CLSTN2: variants seen among roughly 807,000 people sequenced by gnomAD.
CLSTN2 encodes the protein calsyntenin 2.
Under a neutral mutation model 101.2 loss-of-function variants are expected in CLSTN2, and 48 were observed. That is an observed-to-expected ratio of 0.47 (90% CI 0.38 to 0.60). The LOEUF is 0.60. Ranked by LOEUF, CLSTN2 falls within the 20% of genes least tolerant of loss-of-function variation. CLSTN2 has a pLI of 0.00. For missense variants in CLSTN2, 1,160 were observed against 1,238.2 expected, an observed-to-expected ratio of 0.94 and a Z score of 0.95; for synonymous variants, 481 against 463.6, an observed-to-expected ratio of 1.04 and a Z score of -0.48.
chr3:140,243,686 C>T (rs923769715), intron 2 of CLSTN2, among the ~76,000 whole-genome samples: 1 of 152,234 alleles, frequency 6.6e-6, no homozygotes, highest in Non-Finnish European at 1.5e-5. Context: ...GGAGAGCTTA[C>T]AGTCTTGCTT....
At chr3:140,173,921 T>A (rs888115231) in intron 1 of CLSTN2, among the ~76,000 whole-genome samples, 3 of 152,198 alleles carry the variant, frequency 2.0e-5, no homozygotes, top group African/African-American at 7.2e-5. Context: ...GGGGCTGCCA[T>A]GAAGACCTCT....
chr3:140,509,277 T>C (rs1038031092), intron 8 of CLSTN2, among the ~76,000 whole-genome samples: 1 of 152,176 alleles, frequency 6.6e-6, no homozygotes, highest in African/African-American at 2.4e-5. Context: ...CCTTAGCATA[T>C]TATAGTCTCT....
chr3:140,376,366 T>A (rs2087916935), intron 2 of CLSTN2, among the ~76,000 whole-genome samples: 1 of 152,220 alleles, frequency 6.6e-6, no homozygotes, highest in African/African-American at 2.4e-5. Context: ...GGTAGGCTCC[T>A]AACCAAGGGT....
intron 2 of CLSTN2, among the ~76,000 whole-genome samples, chr3:140,278,381 T>C (rs1044392560): frequency 6.6e-6 from 1 of 152,116 alleles, no homozygotes; most frequent in Non-Finnish European, 1.5e-5. Context: ...TCCCCACTAC[T>C]CTTTACAGCT....
intron 2 of CLSTN2, among the ~76,000 whole-genome samples, chr3:140,181,263 G>C (rs1031148136): frequency 1.3e-5 from 2 of 152,134 alleles, no homozygotes; most frequent in African/African-American, 4.8e-5. Flanking sequence ...AAAGTGCCTA[G>C]AGCTCTCTCT....
intron 4 of CLSTN2, among the ~76,000 whole-genome samples, chr3:140,409,994 G>C (rs1400849785): frequency 6.6e-6 from 1 of 151,854 alleles, no homozygotes; most frequent in African/African-American, 2.4e-5. Flanking sequence ...AAGTTGTCCA[G>C]TAAGAGGAGA....
chr3:140,561,589 C>T (rs1181559315), intron 12 of CLSTN2, among the ~76,000 whole-genome samples: 3 of 152,124 alleles, frequency 2.0e-5, no homozygotes, highest in Admixed American at 6.6e-5. Context: ...TTATTAATAA[C>T]AATTCCATGC....
At position 140,137,213 on chromosome 3, in the gene CLSTN2, C is replaced by A. The variant is rs1036907848; in HGVS notation, c.110-38738C>A. Among the ~76,000 whole-genome samples, 3 of 152,048 alleles carry A rather than the reference C, an allele frequency of 2.0e-5. No individual in the cohort carries two copies. In the East Asian group the frequency reaches 5.8e-4, roughly 29 times the overall value. Reference sequence around the variant, plus strand: ...CCCCAGCCCCAGAAGGGCTCAGGATCCCAATGATACAAAATCGCTGAAGCT... The same window carrying A: ...CCCCAGCCCCAGAAGGGCTCAGGATACCAATGATACAAAATCGCTGAAGCT... On this transcript the variant is annotated intron_variant, in intron 1 of 16. Coordinates refer to ENST00000458420, the MANE Select transcript of CLSTN2 (RefSeq NM_022131.3).
At position 140,127,857 on chromosome 3, in the gene CLSTN2, T is replaced by C. The variant is rs551681727; in HGVS notation, c.110-48094T>C. ...CTGTTATTATTTTTCTCCTATGTTA[T>C]TTATGAGCCTCTAGAATTCTTGTGT... On this transcript the variant is annotated intron_variant, in intron 1 of 16. Transcript: ENST00000458420. 1.8e-4 allele frequency among the ~76,000 whole-genome samples: 28 copies of C among 152,294 alleles called. No individual in the cohort carries two copies. The East Asian group carries it at 4.2e-3, about 23-fold the overall frequency.
At chr3:140,536,656 T>C (rs1361953649) in intron 9 of CLSTN2, among the ~76,000 whole-genome samples, 1 of 152,206 alleles carries the variant, frequency 6.6e-6, no homozygotes, top group Non-Finnish European at 1.5e-5. Context: ...ATTTGAGTAT[T>C]TTCTCTAGAG....
At chr3:140,388,436 T>C (rs1402942451) in intron 2 of CLSTN2, among the ~76,000 whole-genome samples, 5 of 152,186 alleles carry the variant, frequency 3.3e-5, no homozygotes, top group Non-Finnish European at 7.4e-5. Context: ...TGGACAAACA[T>C]CAGCAGTTAT....
In CLSTN2 at chr3:140,466,817, A is replaced by C. The variant is rs1933716754; in HGVS notation, c.1344+86A>C. Reference sequence around the variant, plus strand: ...CCAATGGTGATGGCAGTGGGGAGGCACTGCAAGGTCCTGACCACTTGCTGA... The same window carrying C: ...CCAATGGTGATGGCAGTGGGGAGGCCCTGCAAGGTCCTGACCACTTGCTGA... On this transcript the variant is annotated intron_variant, in intron 8 of 16. Coordinates refer to ENST00000458420, the MANE Select transcript of CLSTN2 (RefSeq NM_022131.3). 3 of 1,572,346 alleles carry C rather than the reference A, an allele frequency of 1.9e-6. No individual in the cohort carries two copies. The Admixed American group carries it at 5.1e-5, about 27-fold the overall frequency.
intron 2 of CLSTN2, among the ~76,000 whole-genome samples, chr3:140,363,086 A>G (rs533062333): frequency 8.5e-5 from 13 of 152,358 alleles, no homozygotes; most frequent in Non-Finnish European, 1.6e-4. Flanking sequence ...AATGTCCATC[A>G]ACTGTAGTGA....
At chr3:140,219,277 A>G (rs2086243189) in intron 2 of CLSTN2, among the ~76,000 whole-genome samples, 1 of 151,988 alleles carries the variant, frequency 6.6e-6, no homozygotes, top group Non-Finnish European at 1.5e-5. Flanking sequence ...CAAGGACTTT[A>G]AAGTTTCTCA....
At chr3:140,547,542 T>A (rs967477822) in intron 10 of CLSTN2, among the ~76,000 whole-genome samples, 1 of 152,092 alleles carries the variant, frequency 6.6e-6, no homozygotes. Context: ...TTGTATTGTT[T>A]ATGCAAAATA....
intron 1 of CLSTN2, among the ~76,000 whole-genome samples, chr3:140,095,866 C>G (rs1252442041): frequency 6.6e-6 from 1 of 152,114 alleles, no homozygotes; most frequent in Non-Finnish European, 1.5e-5. Flanking sequence ...TTAGGACGCG[C>G]AAGTAATTGA....
chr3:140,275,731 G>C (rs147103293), intron 2 of CLSTN2, among the ~76,000 whole-genome samples: 2 of 152,160 alleles, frequency 1.3e-5, no homozygotes, highest in Non-Finnish European at 2.9e-5. Context: ...TGTCACCACA[G>C]TGCTCAGGTC....
intron 1 of CLSTN2, among the ~76,000 whole-genome samples, chr3:139,983,245 C>T (rs1028035042): frequency 6.6e-6 from 1 of 151,950 alleles, no homozygotes; most frequent in Non-Finnish European, 1.5e-5. Context: ...ATAATTTCCA[C>T]TCTTGTGGAA....
intron 1 of CLSTN2, among the ~76,000 whole-genome samples, chr3:140,096,785 G>C (rs116603597): frequency 6.6e-6 from 1 of 152,132 alleles, no homozygotes; most frequent in South Asian, 2.1e-4. Flanking sequence ...TGATCTCTTC[G>C]TCTGGAATAG....
Sources: gnomAD v4.1 joint callset for allele counts (sites outside exome capture counted in the v4.1 genomes callset) on GRCh38, gnomAD v4.1.1 for gene constraint, MANE v1.5 for transcripts, NCBI Gene and HGNC (gene_info 2026-07-23, HGNC 2026-07-21) for gene names.